AKAP13: variants seen among roughly 807,000 people sequenced by gnomAD.
AKAP13 encodes A-kinase anchor protein 13.
AKAP13 carries 80 observed loss-of-function variants against 264.5 expected under a neutral mutation model. The ratio of observed to expected loss-of-function variants is 0.30; its 90% CI spans 0.25 to 0.36. The LOEUF (loss-of-function observed/expected upper bound fraction) is 0.36, where lower values mean the gene tolerates loss of function less well. AKAP13 is among the 10% of genes least tolerant of loss of function. AKAP13 has a pLI of 1.00. For synonymous variants in AKAP13, 1,380 were observed against 1,250.2 expected (o/e 1.10, Z -2.19); for missense variants, 3,712 against 3,435.2 (o/e 1.08, Z -2.01).
chr15:85,561,037 A>G (rs958302731), intron 5 of AKAP13, among the ~76,000 whole-genome samples: 2 of 147,944 alleles, frequency 1.4e-5, no homozygotes, highest in African/African-American at 5.0e-5. Flanking sequence ...GTGATATGCC[A>G]TCTGGATGTA....
chr15:85,616,681 G>C (rs1430851120), intron 8 of AKAP13, among the ~76,000 whole-genome samples: 1 of 152,196 alleles, frequency 6.6e-6, no homozygotes, highest in Admixed American at 6.5e-5. Context: ...CTCAGCTCTG[G>C]TTTAGATATG....
intron 12 of AKAP13, among the ~76,000 whole-genome samples, chr15:85,663,947 T>C (rs1346913395): frequency 6.6e-6 from 1 of 152,262 alleles, no homozygotes; most frequent in Non-Finnish European, 1.5e-5. Context: ...TAAGGTGTTA[T>C]ATGTGCCTGT....
chr15:85,492,031 A>G (rs892700141), intron 2 of AKAP13, among the ~76,000 whole-genome samples: 1 of 152,350 alleles, frequency 6.6e-6, no homozygotes. Flanking sequence ...TTACTCTGAA[A>G]TTCATTTTCA....
intron 1 of AKAP13, among the ~76,000 whole-genome samples, chr15:85,465,549 T>G (rs1363244843): frequency 7.3e-6 from 1 of 136,142 alleles, no homozygotes; most frequent in African/African-American, 2.8e-5. Context: ...CCCCTTCCTG[T>G]GTCCATGTGT....
intron 1 of AKAP13, among the ~76,000 whole-genome samples, chr15:85,470,696 A>G (rs1182517826): frequency 6.6e-6 from 1 of 152,176 alleles, no homozygotes. Context: ...AGTATGCCCT[A>G]ATCACTTTCT....
At chr15:85,444,336 C>G (rs1252431821) in intron 1 of AKAP13, among the ~76,000 whole-genome samples, 1 of 152,084 alleles carries the variant, frequency 6.6e-6, no homozygotes. Flanking sequence ...GAAAGGTGGC[C>G]CCTTCCAGAT....
chr15:85,425,200 C>CT (rs747140188), intron 1 of AKAP13, among the ~76,000 whole-genome samples: 1 of 152,096 alleles, frequency 6.6e-6, no homozygotes, highest in Non-Finnish European at 1.5e-5. Context: ...TTAAAAATCT[C>CT]TATCTTTGAA....
chr15:85,722,922 G>A (rs1002270114), intron 25 of AKAP13, 150 bp from the exon 26 acceptor site: 1 of 1,001,796 alleles, frequency 1.0e-6, no homozygotes, highest in Non-Finnish European at 1.4e-6. Context: ...CAGCAAGAAG[G>A]ATAGGCACAT....
intron 5 of AKAP13, among the ~76,000 whole-genome samples, chr15:85,572,826 A>C (rs927314624): frequency 4.6e-5 from 7 of 152,130 alleles, no homozygotes; most frequent in African/African-American, 1.2e-4. Flanking sequence ...CCTAGCCCCC[A>C]ACCACCTGAC....
chr15:85,395,989 G>A (rs1444494255), intron 1 of AKAP13, among the ~76,000 whole-genome samples: 2 of 151,524 alleles, frequency 1.3e-5, no homozygotes, highest in Non-Finnish European at 2.9e-5. Flanking sequence ...TGGGTTGATG[G>A]AAGGATGAAT....
intron 1 of AKAP13, among the ~76,000 whole-genome samples, chr15:85,397,406 A>G (rs2071170775): frequency 6.6e-6 from 1 of 152,200 alleles, no homozygotes; most frequent in Admixed American, 6.5e-5. Context: ...GTGCCCATAA[A>G]TGGAGAGTTT....
At chr15:85,685,858 T>C (rs74025663) in intron 16 of AKAP13, among the ~76,000 whole-genome samples, 2,756 of 152,274 alleles carry the variant, frequency 0.018, 87 homozygotes, top group African/African-American at 0.063. Flanking sequence ...AGTAAAAGAA[T>C]GAAAATCTCC....
At chr15:85,670,062 T>C (rs1030196256) in intron 14 of AKAP13, among the ~76,000 whole-genome samples, 1 of 152,214 alleles carries the variant, frequency 6.6e-6, no homozygotes, top group African/African-American at 2.4e-5. Context: ...TTTGTGGGCA[T>C]GAATCTGACA....
intron 8 of AKAP13, chr15:85,635,050 G>T (rs142904453): frequency 2.5e-6 from 1 of 398,162 alleles, no homozygotes; most frequent in African/African-American, 2.1e-5. Flanking sequence ...GCAAGTCTTT[G>T]TGTGACAGTA....
chr15:85,432,387 C>T (rs887911889), intron 1 of AKAP13, among the ~76,000 whole-genome samples: 1 of 151,520 alleles, frequency 6.6e-6, no homozygotes, highest in Non-Finnish European at 1.5e-5. Flanking sequence ...AAAGTCGATT[C>T]AGTTTGAGGA....
chr15:85,531,346 G>A (rs571107142), intron 3 of AKAP13, among the ~76,000 whole-genome samples: 2 of 152,170 alleles, frequency 1.3e-5, no homozygotes, highest in Non-Finnish European at 2.9e-5. Flanking sequence ...TCTCTGTTAT[G>A]AACCGTAAAT....
chr15:85,394,102 C>A (rs1018417736), intron 1 of AKAP13, among the ~76,000 whole-genome samples: 2 of 152,136 alleles, frequency 1.3e-5, no homozygotes, highest in African/African-American at 4.8e-5. Context: ...TTAATTAGTT[C>A]ATGTGTAAAC....
intron 1 of AKAP13, chr15:85,382,067 A>G (rs1240451421): frequency 6.6e-6 from 1 of 152,154 alleles, no homozygotes; most frequent in African/African-American, 2.4e-5. Flanking sequence ...GGGTGCACAT[A>G]TTACACTTAA....
chr15:85,588,065 G>GCTGC (rs1408058072), intron 8 of AKAP13, among the ~76,000 whole-genome samples: 11 of 152,096 alleles, frequency 7.2e-5, no homozygotes, highest in Admixed American at 7.2e-4. Context: ...ACTTACTCAT[G>GCTGC]CTGCCCCTTT....
Sources: gnomAD v4.1 joint callset for allele counts (sites outside exome capture counted in the v4.1 genomes callset) on GRCh38, gnomAD v4.1.1 for gene constraint, MANE v1.5 for transcripts, NCBI Gene and HGNC (gene_info 2026-07-23, HGNC 2026-07-21) for gene names.